COL22A1: variants seen among roughly 807,000 people sequenced by gnomAD.
The protein encoded by COL22A1 is collagen type XXII alpha 1 chain, also known as collagen alpha-1(XXII) chain.
In COL22A1, 221 loss-of-function variants were observed where a neutral mutation model predicts 248.9. The observed-to-expected ratio is 0.89, with a 90% CI of 0.80 to 0.99. The LOEUF is 0.99. Ranked by LOEUF, COL22A1 falls within the 50% of genes least tolerant of loss-of-function variation. The pLI is 0.00. For synonymous variants in COL22A1, 891 were observed against 793.4 expected (o/e 1.12, Z -2.07); for missense variants, 2,240 against 2,179.0 (o/e 1.03, Z -0.56).
chr8:138,670,670 C>T (rs1482486935), intron 41 of COL22A1, among the ~76,000 whole-genome samples: 1 of 152,054 alleles, frequency 6.6e-6, no homozygotes. Flanking sequence ...CATAAAAAGC[C>T]ACCGGTAGGC....
chr8:138,832,465 A>C (rs939497800), intron 5 of COL22A1, among the ~76,000 whole-genome samples: 8 of 152,162 alleles, frequency 5.3e-5, no homozygotes, highest in African/African-American at 1.9e-4. Flanking sequence ...TTAGCCCCTG[A>C]CTGGAGGCCC....
intron 36 of COL22A1, among the ~76,000 whole-genome samples, chr8:138,690,275 T>C (rs1826730357): frequency 1.3e-5 from 2 of 152,224 alleles, no homozygotes; most frequent in African/African-American, 4.8e-5. Flanking sequence ...AATTGGTGTT[T>C]ATGGTGAATC....
intron 11 of COL22A1, among the ~76,000 whole-genome samples, chr8:138,798,498 A>G (rs916574578): frequency 3.3e-5 from 5 of 151,986 alleles, no homozygotes; most frequent in Non-Finnish European, 2.9e-5. Flanking sequence ...AATAGGGTCT[A>G]CTCTAGATTT....
chr8:138,897,861 A>G (rs1183149152), intron 1 of COL22A1, among the ~76,000 whole-genome samples: 2 of 151,832 alleles, frequency 1.3e-5, no homozygotes, highest in South Asian at 2.1e-4. Context: ...ACAAATTGCC[A>G]TGGACTGGGT....
intron 30 of COL22A1, among the ~76,000 whole-genome samples, chr8:138,706,323 A>G (rs1454582170): frequency 6.6e-6 from 1 of 152,226 alleles, no homozygotes; most frequent in Admixed American, 6.5e-5. Flanking sequence ...CCCCAAATCA[A>G]CAGAATATAC....
intron 12 of COL22A1, among the ~76,000 whole-genome samples, chr8:138,790,855 A>C (rs1815968938): frequency 6.7e-6 from 1 of 148,610 alleles, no homozygotes; most frequent in African/African-American, 2.5e-5. Flanking sequence ...AAAACACCCT[A>C]CGTCCCTACC....
chr8:138,776,009 C>A lies in COL22A1; in HGVS notation c.1760G>T (p.Gly587Val), dbSNP rs767450239. The A allele has an allele frequency of 1.2e-6, 2 of 1,614,076 alleles. No homozygotes were observed. Among genetic ancestry groups the A allele is most frequent in the East Asian group, 2.2e-5 (1 of 44,874 alleles). Residue 587 changes from glycine (G) to valine (V), a missense_variant and splice_region_variant, in exon 16 of 65, where the codon GGT becomes GTT. Physicochemically the swap from Gly to Val is moderately radical, Grantham distance 109. Transcript: ENST00000303045. Reference sequence around the variant, plus strand: ...CTTTTCACCTCGTTCTCCTTGGAGACCCTGGGGGACAAAGAAAGAGCAGTG... The same window carrying A: ...CTTTTCACCTCGTTCTCCTTGGAGAACCTGGGGGACAAAGAAAGAGCAGTG... ...PGPPGRVGAP[G>V]LQGERGEKGT... is the part of the protein sequence containing the mutation.
In COL22A1 at chr8:138,737,491, G is replaced by A. The variant is rs369860109; in HGVS notation, c.2139+33C>T. 85 of 1,502,460 alleles carry A rather than the reference G, an allele frequency of 5.7e-5. No homozygotes were observed. The African/African-American group carries it at 5.8e-4, about 10-fold the overall frequency. The allele number at this position is 1,502,460 out of a possible 1,614,324, so 93.1% of individuals were successfully genotyped here. ...ATTTATTTAATCAGAGAAAAGCAGC[G>A]TTGCTATGGAAGAGAATGTAAAAGG... On this transcript the variant is annotated intron_variant, in intron 23 of 64. Coordinates refer to ENST00000303045, the MANE Select transcript of COL22A1 (RefSeq NM_152888.3).
At chr8:138,650,670 TTAGATAGA>T (rs6150847) in intron 45 of COL22A1, among the ~76,000 whole-genome samples, 3,001 of 151,136 alleles carry the variant, frequency 0.02, 68 homozygotes, top group African/African-American at 0.046. Flanking sequence ...TCAAGAAAGA[TTAGATAGA>T]TAGATAGATA....
intron 16 of COL22A1, among the ~76,000 whole-genome samples, chr8:138,767,300 G>T (rs1266845975): frequency 6.6e-6 from 1 of 152,092 alleles, no homozygotes; most frequent in Admixed American, 6.5e-5. Flanking sequence ...ACTTGGAAGG[G>T]ACCAGCAACA....
rs1049909999 is a variant in COL22A1, at chr8:138,811,314, TACAC to T, written c.1449+481_1449+484del. Among the ~76,000 whole-genome samples the T allele has an allele frequency of 1.1e-4, 16 of 149,868 alleles. No homozygotes were observed. In the East Asian group the frequency reaches 2.2e-3, roughly 20 times the overall value. On this transcript the variant is annotated intron_variant, in intron 9 of 64. Transcript: ENST00000303045. ...ACACACATATATATATACACATACA[TACAC>T]ACACATATATACACACACGTACATA...
rs775158704 is a variant in COL22A1, at chr8:138,715,710, G to A, written c.2489C>T (p.Pro830Leu). Residue 830 changes from proline to leucine, a missense_variant, in exon 30 of 65, where the codon CCA becomes CTA. Physicochemically the swap from Pro to Leu is moderately conservative, Grantham distance 98. Coordinates refer to ENST00000303045, the MANE Select transcript of COL22A1 (RefSeq NM_152888.3). Reference sequence around the variant, plus strand: ...TTCACCTCGGTCACCTTTCAGTCCTGGAAGTCCCAGTTCACCTTTTTCTCC... The same window carrying A: ...TTCACCTCGGTCACCTTTCAGTCCTAGAAGTCCCAGTTCACCTTTTTCTCC... ...DQGEKGELGL[P>L]GLKGDRGEKG... 1 of 1,612,450 alleles carries A rather than the reference G, an allele frequency of 6.2e-7. No homozygotes were observed. The highest frequency in any genetic ancestry group is 1.7e-5 in the Admixed American group (1 of 59,910).
At chr8:138,835,023 A>G (rs1415616333) in intron 4 of COL22A1, among the ~76,000 whole-genome samples, 3 of 152,194 alleles carry the variant, frequency 2.0e-5, no homozygotes, top group Non-Finnish European at 4.4e-5. Flanking sequence ...GGAGAGGAAC[A>G]GAGCTGGGGC....
intron 3 of COL22A1, among the ~76,000 whole-genome samples, chr8:138,863,724 G>A (rs1011130598): frequency 6.6e-6 from 1 of 152,118 alleles, no homozygotes; most frequent in African/African-American, 2.4e-5. Flanking sequence ...CCTTCTCTGG[G>A]CTCTGGTTAA....
intron 41 of COL22A1, among the ~76,000 whole-genome samples, chr8:138,664,215 A>ATG (rs1824282833): frequency 1.1e-5 from 1 of 87,988 alleles, no homozygotes; most frequent in Non-Finnish European, 2.3e-5. Context: ...GCGCGCACAC[A>ATG]CACACACACA....
rs116162047 is a variant in COL22A1 at position 138,790,635 on chromosome 8, C to T, written c.1596+6184G>A. Among the ~76,000 whole-genome samples, 111 of 152,250 alleles carry T rather than the reference C, an allele frequency of 7.3e-4. 1 individual carries two copies. The highest frequency in any genetic ancestry group is 2.5e-3 in the African/African-American group (102 of 41,542). ...AAACATTGAAGAAATAACCTGGTTC[C>T]GGTGAGAAGAACCCATTATTTAACA... On this transcript the variant is annotated intron_variant, in intron 12 of 64. Coordinates refer to ENST00000303045, the MANE Select transcript of COL22A1 (RefSeq NM_152888.3).
chr8:138,771,793 C>T (rs747088105), intron 16 of COL22A1, among the ~76,000 whole-genome samples: 33 of 152,178 alleles, frequency 2.2e-4, no homozygotes, highest in South Asian at 2.1e-4. Context: ...AGTGAGAAAA[C>T]GGAGGCTCCA....
At chr8:138,885,045 CA>C (rs1824546770) in intron 1 of COL22A1, among the ~76,000 whole-genome samples, 1 of 152,116 alleles carries the variant, frequency 6.6e-6, no homozygotes, top group Non-Finnish European at 1.5e-5. Flanking sequence ...CACACACACA[CA>C]GGGGAAGCGA....
chr8:138,897,322 C>T (rs10156259), intron 1 of COL22A1, among the ~76,000 whole-genome samples: 31,657 of 151,646 alleles, frequency 0.21, 3,564 homozygotes, highest in African/African-American at 0.31. Context: ...CTGAGGCAGG[C>T]GATTCACAAG....
Sources: gnomAD v4.1 joint callset for allele counts (sites outside exome capture counted in the v4.1 genomes callset) on GRCh38, gnomAD v4.1.1 for gene constraint, MANE v1.5 for transcripts, NCBI Gene and HGNC (gene_info 2026-07-23, HGNC 2026-07-21) for gene names.